SLC39A10: variants seen among roughly 807,000 people sequenced by gnomAD.
SLC39A10 encodes solute carrier family 39 member 10, also known as zinc transporter ZIP10.
In SLC39A10, 13 loss-of-function variants were observed where a neutral mutation model predicts 65.1. The ratio of observed to expected loss-of-function variants is 0.20; its 90% CI spans 0.13 to 0.32. The LOEUF is 0.32. SLC39A10 is among the 10% of genes least tolerant of loss of function. The pLI is 1.00. For synonymous variants in SLC39A10, 321 were observed against 342.2 expected (o/e 0.94, Z 0.68); for missense variants, 831 against 1,018.4 (o/e 0.82, Z 2.50).
intron 2 of SLC39A10, among the ~76,000 whole-genome samples, chr2:195,613,641 A>C (rs997168967): frequency 1.2e-4 from 18 of 152,358 alleles, no homozygotes; most frequent in Admixed American, 3.9e-4. Context: ...AGTTTAATAA[A>C]GTGGAAGTTC....
At chr2:195,717,199 A>G (rs556878624) in intron 7 of SLC39A10, 194 bp downstream of exon 7, 67 of 583,692 alleles carry the variant, frequency 1.1e-4, no homozygotes, top group Non-Finnish European at 1.6e-4. Context: ...TTTTTAGAAC[A>G]CGTAAACAAA....
intron 1 of SLC39A10, among the ~76,000 whole-genome samples, chr2:195,667,438 C>G (rs1199658193): frequency 6.6e-6 from 1 of 152,164 alleles, no homozygotes; most frequent in Non-Finnish European, 1.5e-5. Context: ...AACTTCTGCT[C>G]AGATACTAGT....
chr2:195,648,060 A>T (rs1334069588), intron 2 of SLC39A10, among the ~76,000 whole-genome samples: 1 of 152,126 alleles, frequency 6.6e-6, no homozygotes, highest in African/African-American at 2.4e-5. Context: ...TGACAAAATC[A>T]TGGCTCACTG....
intron 3 of SLC39A10, among the ~76,000 whole-genome samples, chr2:195,696,797 T>C (rs928882561): frequency 1.3e-5 from 2 of 152,116 alleles, no homozygotes; most frequent in Non-Finnish European, 2.9e-5. Context: ...AAAGAAAATA[T>C]ATTAAGAAAA....
intron 1 of SLC39A10, among the ~76,000 whole-genome samples, chr2:195,663,783 GT>G (rs1302431683): frequency 6.8e-6 from 1 of 146,302 alleles, no homozygotes; most frequent in African/African-American, 2.6e-5. Flanking sequence ...ATAGTCTATA[GT>G]TTTTTTCTTT....
At position 195,737,300 on chromosome 2, in the gene SLC39A10, T is replaced by C. The variant is rs1692666085; in HGVS notation, c.*2259T>C. 3 of 152,808 alleles carry C rather than the reference T, an allele frequency of 2.0e-5. No individual in the cohort carries two copies. The highest frequency in any genetic ancestry group is 2.1e-4 in the South Asian group (1 of 4,838). The allele number at this position is 152,808 out of a possible 1,614,324, so 9.5% of individuals were successfully genotyped here. On this transcript the variant is annotated 3_prime_UTR_variant, in exon 10 of 10. Transcript: ENST00000359634. ...CCAGTCTAATTTAAAATGTGTTTGT[T>C]GGAGGTCATTAACGTTACTTGTACA...
At chr2:195,618,346 G>A (rs1688270655) in intron 2 of SLC39A10, among the ~76,000 whole-genome samples, 2 of 121,836 alleles carry the variant, frequency 1.6e-5, no homozygotes, top group East Asian at 3.6e-4. Flanking sequence ...ATGAGACTCC[G>A]TCTCACCAAA....
Position 195,657,272 on chromosome 2 carries a change from C to A in SLC39A10, c.-21C>A. Reference sequence around the variant, plus strand: ...GCGGAGAGGAGATGCACACGGCACTCGAGTGTGAGGTAACTATAAAACCCC... The same window carrying A: ...GCGGAGAGGAGATGCACACGGCACTAGAGTGTGAGGTAACTATAAAACCCC... On this transcript the variant is annotated 5_prime_UTR_variant, in exon 1 of 10. Transcript: ENST00000359634. The A allele has an allele frequency of 4.1e-6, 2 of 488,396 alleles. No individual in the cohort carries two copies. Among genetic ancestry groups the A allele is most frequent in the Non-Finnish European group, 5.3e-6 (2 of 375,826 alleles). The allele number at this position is 488,396 out of a possible 1,614,324, so 30.3% of individuals were successfully genotyped here.
At position 195,730,323 on chromosome 2, in the gene SLC39A10, C is replaced by CTGTT. The variant is rs548409354; in HGVS notation, c.2337+1984_2337+1987dup. Reference sequence around the variant, plus strand: ...GAAATGCTTTTGTGTCAGTAGGCTTCTGTTTGTTTGTTTATTTGTTTGTTG... The same window carrying CTGTT: ...GAAATGCTTTTGTGTCAGTAGGCTTCTGTTTGTTTGTTTGTTTATTTGTTTGTTG... On this transcript the variant is annotated intron_variant, in intron 9 of 9. Transcript: ENST00000359634. Among the ~76,000 whole-genome samples the CTGTT allele has an allele frequency of 2.0e-3, 311 of 151,922 alleles. 1 individual carries two copies. The highest frequency in any genetic ancestry group is 7.0e-3 in the African/African-American group (290 of 41,434).
chr2:195,719,791 G>GTTT (rs796609144), intron 8 of SLC39A10, among the ~76,000 whole-genome samples: 1 of 131,518 alleles, frequency 7.6e-6, no homozygotes, highest in African/African-American at 2.8e-5. Context: ...GCTAATTTTT[G>GTTT]TTTTTTTTTT....
intron 5 of SLC39A10, among the ~76,000 whole-genome samples, chr2:195,711,771 C>G (rs538244077): frequency 6.6e-6 from 1 of 152,290 alleles, no homozygotes; most frequent in East Asian, 1.9e-4. Flanking sequence ...ACTATCAGAA[C>G]CAAAGCAATT....
rs1469627441 is a variant in SLC39A10, at chr2:195,728,074, ATGC to A, written c.2147-82_2147-80del. ...GTTATTAAAAGTGTGTATCTTTTTA[ATGC>A]TGATTTTATTTGTTTTCTCCTTTCA... On this transcript the variant is annotated intron_variant, in intron 8 of 9. Transcript: ENST00000359634. This position sits in a 1 kb window ranked among gnomAD's most constrained non-coding sequence, Gnocchi z 4.4. 1 of 1,226,038 alleles carries A rather than the reference ATGC, an allele frequency of 8.2e-7. No individual in the cohort carries two copies. Among genetic ancestry groups the A allele is most frequent in the Non-Finnish European group, 1.1e-6 (1 of 869,736 alleles). The allele number at this position is 1,226,038 out of a possible 1,614,324, so 75.9% of individuals were successfully genotyped here. A position where few individuals can be genotyped will look rare whatever the true frequency, so the allele number is the denominator to read the frequency against.
At chr2:195,695,556 C>G (rs1210366528) in intron 3 of SLC39A10, among the ~76,000 whole-genome samples, 1 of 152,164 alleles carries the variant, frequency 6.6e-6, no homozygotes, top group Non-Finnish European at 1.5e-5. Flanking sequence ...CAAGTGGACT[C>G]ACAGTTTTTT....
intron 2 of SLC39A10, among the ~76,000 whole-genome samples, chr2:195,631,365 A>G (rs1418208841): frequency 6.6e-6 from 1 of 152,166 alleles, no homozygotes; most frequent in Admixed American, 6.6e-5. Flanking sequence ...AAGAGAGATC[A>G]AATTGTTAAA....
chr2:195,615,260 G>GAAT (rs1688180863), intron 2 of SLC39A10, among the ~76,000 whole-genome samples: 1 of 152,094 alleles, frequency 6.6e-6, no homozygotes, highest in African/African-American at 2.4e-5. Context: ...TGAGGCTTGG[G>GAAT]AATATGCATT....
At chr2:195,623,313 T>C (rs894806305) in intron 2 of SLC39A10, among the ~76,000 whole-genome samples, 2 of 152,216 alleles carry the variant, frequency 1.3e-5, no homozygotes, top group Non-Finnish European at 2.9e-5. Flanking sequence ...TTCTTGACAA[T>C]AGGAGTTTCC....
intron 1 of SLC39A10, among the ~76,000 whole-genome samples, chr2:195,660,436 G>A (rs1381143620): frequency 6.6e-6 from 1 of 152,162 alleles, no homozygotes; most frequent in Non-Finnish European, 1.5e-5. Context: ...AAAGCTTAAA[G>A]TTTGCAAGGC....
chr2:195,701,938 C>T (rs370008028), intron 3 of SLC39A10, among the ~76,000 whole-genome samples: 1 of 152,164 alleles, frequency 6.6e-6, no homozygotes, highest in Non-Finnish European at 1.5e-5. Context: ...ATCACAGCCT[C>T]CCAGAGTGTT....
intron 3 of SLC39A10, among the ~76,000 whole-genome samples, chr2:195,698,575 A>G (rs1232362436): frequency 1.3e-5 from 2 of 152,002 alleles, no homozygotes; most frequent in African/African-American, 4.8e-5. Flanking sequence ...TGAGATGATC[A>G]TGTGGGTGTT....
Sources: allele counts gnomAD v4.1 joint callset (sites outside exome capture counted in the v4.1 genomes callset), GRCh38; gene constraint gnomAD v4.1.1; non-coding constraint Gnocchi (gnomAD v3.1); transcripts MANE v1.5; gene names NCBI Gene and HGNC (gene_info 2026-07-23, HGNC 2026-07-21).